The following RBFOX1 variants were observed in gnomAD, a reference collection of about 807,000 sequenced individuals.
RBFOX1 encodes the protein RNA binding protein fox-1 homolog 1.
Under a neutral mutation model 57.7 loss-of-function variants are expected in RBFOX1, and 8 were observed. The observed-to-expected ratio is 0.14, with a 90% confidence interval of 0.08 to 0.25. RBFOX1 has a LOEUF of 0.25. Ranked by LOEUF, RBFOX1 falls within the 10% of genes least tolerant of loss-of-function variation. The probability of loss-of-function intolerance (pLI) is 1.00; values close to 1 mark genes in which losing one functional copy is unlikely to be tolerated. For synonymous variants in RBFOX1, 326 were observed against 222.4 expected, an observed-to-expected ratio of 1.47 and a Z score of -4.15; for missense variants, 611 against 548.5, an observed-to-expected ratio of 1.11 and a Z score of -1.14.
intron 3 of RBFOX1, among the ~76,000 whole-genome samples, chr16:6,742,813 C>G (rs1482189224): frequency 6.6e-6 from 1 of 151,854 alleles, no homozygotes; most frequent in African/African-American, 2.4e-5. Flanking sequence ...GACATAGTTG[C>G]CAGTATGGTG....
intron 3 of RBFOX1, among the ~76,000 whole-genome samples, chr16:6,982,993 T>TTA (rs1318602686): frequency 7.6e-5 from 6 of 79,360 alleles, no homozygotes; most frequent in African/African-American, 1.8e-4. Context: ...AGACTCTGTC[T>TTA]AAAAAAAAAA....
intron 14 of RBFOX1, among the ~76,000 whole-genome samples, chr16:7,700,773 C>G (rs1598431097): frequency 6.6e-6 from 1 of 152,096 alleles, no homozygotes; most frequent in Non-Finnish European, 1.5e-5. Context: ...CCGAGAGTGG[C>G]TGCTATTCTG....
In RBFOX1 at chr16:7,555,655, C is replaced by G. The variant is rs1476714740; in HGVS notation, c.271-24122C>G. ...TTCTCTTCCCCTTGAACGTTCTGTA[C>G]CAGCCTCACGCTTCATCACTTTCTC... On this transcript the variant is annotated intron_variant, in intron 5 of 15. Transcript: ENST00000550418. 3.3e-5 allele frequency among the ~76,000 whole-genome samples: 5 copies of G among 152,156 alleles called. No individual in the cohort carries two copies. The South Asian group carries it at 6.2e-4, about 19-fold the overall frequency.
intron 3 of RBFOX1, among the ~76,000 whole-genome samples, chr16:5,755,864 C>G (rs2151630804): frequency 6.6e-6 from 1 of 152,314 alleles, no homozygotes; most frequent in East Asian, 1.9e-4. Context: ...TCCCAAAGTG[C>G]TGGAATTACA....
At chr16:6,168,989 T>G (rs2096938508) in intron 1 of RBFOX1, among the ~76,000 whole-genome samples, 1 of 152,038 alleles carries the variant, frequency 6.6e-6, no homozygotes, top group Admixed American at 6.6e-5. Flanking sequence ...CAGCATGAAT[T>G]TAGAGTTGGG....
intron 4 of RBFOX1, among the ~76,000 whole-genome samples, chr16:7,351,075 T>C (rs2097122526): frequency 6.6e-6 from 1 of 152,200 alleles, no homozygotes; most frequent in Non-Finnish European, 1.5e-5. Context: ...GGATGGCTGG[T>C]TTTCCTTTTA....
At chr16:6,921,644 TA>T (rs1476961228) in intron 3 of RBFOX1, among the ~76,000 whole-genome samples, 479 of 15,260 alleles carry the variant, frequency 0.031, 1 homozygote, top group Middle Eastern at 0.17. Flanking sequence ...TATATATATA[TA>T]TTTTTTTTTT....
intron 3 of RBFOX1, among the ~76,000 whole-genome samples, chr16:6,691,086 G>C (rs2060140691): frequency 6.6e-6 from 1 of 152,112 alleles, no homozygotes; most frequent in Admixed American, 6.6e-5. Flanking sequence ...CGATGTCACT[G>C]TGTCTTGAGA....
At chr16:5,648,327 A>G (rs570600161) in intron 3 of RBFOX1, among the ~76,000 whole-genome samples, 1 of 152,382 alleles carries the variant, frequency 6.6e-6, no homozygotes, top group African/African-American at 2.4e-5. Context: ...TAGTGCAACT[A>G]AAAAACCAGA....
At chr16:7,226,266 T>C (rs2093112073) in intron 4 of RBFOX1, among the ~76,000 whole-genome samples, 1 of 152,204 alleles carries the variant, frequency 6.6e-6, no homozygotes, top group African/African-American at 2.4e-5. Context: ...GCTTCAAGGA[T>C]GAATCAGGCC....
chr16:6,908,968 T>A (rs542672677), intron 3 of RBFOX1, among the ~76,000 whole-genome samples: 1 of 152,302 alleles, frequency 6.6e-6, no homozygotes, highest in South Asian at 2.1e-4. Context: ...ACGCTCTCTC[T>A]GGGGGCTCCG....
rs114332296 is a variant in RBFOX1 at position 7,072,490 on chromosome 16, A to G, written c.27+20392A>G. ...AACTCTACTCTCTACTGCCTATAACATAGTAGAAACTAAATATTAATACAT... is the reference window on the plus strand; with the variant it reads ...AACTCTACTCTCTACTGCCTATAACGTAGTAGAAACTAAATATTAATACAT... On this transcript the variant is annotated intron_variant, in intron 4 of 15. Coordinates refer to ENST00000550418, the MANE Select transcript of RBFOX1 (RefSeq NM_018723.4). Among the ~76,000 whole-genome samples, 763 of 152,318 alleles carry G rather than the reference A, an allele frequency of 5.0e-3. 3 individuals carry two copies. Among genetic ancestry groups the G allele is most frequent in the African/African-American group, 0.018 (732 of 41,562 alleles).
chr16:6,694,763 C>G (rs527981502), intron 3 of RBFOX1, among the ~76,000 whole-genome samples: 3 of 152,282 alleles, frequency 2.0e-5, no homozygotes, highest in South Asian at 4.1e-4. Context: ...AGCATTGCCT[C>G]TCATTTAACT....
At chr16:5,714,556 C>T (rs977442907) in intron 3 of RBFOX1, among the ~76,000 whole-genome samples, 3 of 152,186 alleles carry the variant, frequency 2.0e-5, no homozygotes, top group African/African-American at 7.2e-5. Flanking sequence ...AAAAATAAAC[C>T]CTTACAATCG....
intron 2 of RBFOX1, among the ~76,000 whole-genome samples, chr16:6,621,912 T>C (rs1180544223): frequency 6.6e-6 from 1 of 152,122 alleles, no homozygotes; most frequent in Non-Finnish European, 1.5e-5. Context: ...AAAAAAAAAG[T>C]AACTGAAGAG....
intron 4 of RBFOX1, among the ~76,000 whole-genome samples, chr16:7,070,772 G>C (rs1016909174): frequency 6.6e-6 from 1 of 152,154 alleles, no homozygotes; most frequent in Non-Finnish European, 1.5e-5. Context: ...GAAGAATTGA[G>C]GTTTAGCCAT....
chr16:6,790,436 C>T (rs1005765815), intron 3 of RBFOX1, among the ~76,000 whole-genome samples: 2 of 152,058 alleles, frequency 1.3e-5, no homozygotes, highest in Admixed American at 1.3e-4. Flanking sequence ...CTACCCACCT[C>T]GGCCTCCCAA....
chr16:6,260,221 G>C (rs1478720133), intron 1 of RBFOX1, among the ~76,000 whole-genome samples: 1 of 152,154 alleles, frequency 6.6e-6, no homozygotes, highest in Non-Finnish European at 1.5e-5. Context: ...CCTGACAATT[G>C]ATATATTGCC....
intron 3 of RBFOX1, among the ~76,000 whole-genome samples, chr16:5,767,108 A>G (rs2053808451): frequency 6.6e-6 from 1 of 152,230 alleles, no homozygotes. Context: ...TTGCACACCC[A>G]AAGTGTTCCC....
Sources: allele counts gnomAD v4.1 joint callset (sites outside exome capture counted in the v4.1 genomes callset), GRCh38; gene constraint gnomAD v4.1.1; transcripts MANE v1.5; gene names NCBI Gene and HGNC (gene_info 2026-07-23, HGNC 2026-07-21).